Variants in PLXDC1 observed in about 807,000 individuals in gnomAD.
PLXDC1 encodes plexin domain-containing protein 1.
A neutral mutation model predicts 61.3 loss-of-function variants in PLXDC1; 39 were observed. That is an observed-to-expected ratio of 0.64 (90% CI 0.49 to 0.83). The LOEUF (loss-of-function observed/expected upper bound fraction) is 0.83. PLXDC1 is among the 40% of genes least tolerant of loss of function. PLXDC1 has a pLI of 0.00. For synonymous variants in PLXDC1, 212 were observed against 254.5 expected (o/e 0.83, Z 1.59); for missense variants, 596 against 666.5 (o/e 0.89, Z 1.17).
intron 2 of PLXDC1, among the ~76,000 whole-genome samples, chr17:39,115,223 T>C (rs1029960603): frequency 1.3e-5 from 2 of 152,228 alleles, no homozygotes; most frequent in African/African-American, 4.8e-5. Context: ...CTTCCATCTA[T>C]TCTGACTCAA....
intron 2 of PLXDC1, among the ~76,000 whole-genome samples, chr17:39,129,879 C>G (rs1054819414): frequency 6.6e-6 from 1 of 152,152 alleles, no homozygotes; most frequent in East Asian, 1.9e-4. Flanking sequence ...GTAGAAACAG[C>G]CTAAATGTCT....
In PLXDC1 at chr17:39,097,178, T is replaced by C. The variant is rs542869207; in HGVS notation, c.811+8676A>G. On this transcript the variant is annotated intron_variant, in intron 7 of 13. Transcript: ENST00000315392. ...ACAGGGTTCAGTGGCTGGGGATTCC[T>C]AAATAGTGAGGAATCAAACTCCCCT... Among the ~76,000 whole-genome samples the C allele has an allele frequency of 9.2e-5, 14 of 152,280 alleles. No individual in the cohort carries two copies. In the Middle Eastern group the frequency reaches 0.01, roughly 111 times the overall value.
chr17:39,133,436 A>G (rs1597658497), intron 2 of PLXDC1, among the ~76,000 whole-genome samples: 1 of 152,258 alleles, frequency 6.6e-6, no homozygotes, highest in Non-Finnish European at 1.5e-5. Context: ...GACTCACACC[A>G]GGGACAATCA....
intron 8 of PLXDC1, among the ~76,000 whole-genome samples, chr17:39,086,032 A>ACAAAATT (rs1327893083): frequency 1.3e-5 from 2 of 152,170 alleles, no homozygotes; most frequent in Non-Finnish European, 2.9e-5. Flanking sequence ...TTAAATGCTC[A>ACAAAATT]CAAAATTCAC....
At chr17:39,128,113 A>ATATATATATATATATATATG (rs1597655710) in intron 2 of PLXDC1, among the ~76,000 whole-genome samples, 1 of 95,720 alleles carries the variant, frequency 1.0e-5, no homozygotes, top group African/African-American at 4.2e-5. Context: ...ATATATATAT[A>ATATATATATATATATATATG]TGTATATATA....
rs75117355 is a variant in PLXDC1, at chr17:39,067,958, C to T, written c.1385G>A (p.Arg462His). The change falls in exon 14 of 14, where the codon CGT becomes CAT. Residue 462 changes from arginine to histidine, a missense_variant and splice_region_variant. Physicochemically the swap from Arg to His is conservative, Grantham distance 29 (BLOSUM62 0). Transcript: ENST00000315392. ...CATGGCTGGCCAGTGGTGAGGTCTA[C>T]GCTGCAGAAGGCACAGAGGCAAAGT... ...TSNAALFFIE[R>H]RPHHWPAMKF... The T allele has an allele frequency of 0.072, 115,954 of 1,613,446 alleles. 4,624 individuals carry two copies. The highest frequency in any genetic ancestry group is 0.12 in the East Asian group (5,352 of 44,878).
At chr17:39,089,459 G>A (rs1400953032) in intron 7 of PLXDC1, among the ~76,000 whole-genome samples, 1 of 152,206 alleles carries the variant, frequency 6.6e-6, no homozygotes, top group Non-Finnish European at 1.5e-5. Flanking sequence ...GAGAGAAACA[G>A]GAAGTGCTGG....
Position 39,069,930 on chromosome 17 carries a change from C to G in PLXDC1, c.1309G>C (p.Val437Leu). The G allele has an allele frequency of 6.2e-7, 1 of 1,613,378 alleles. No homozygotes were observed. The highest frequency in any genetic ancestry group is 1.7e-5 in the Admixed American group (1 of 60,006). The change falls in exon 13 of 14, where the codon GTG becomes CTG. Residue 437 changes from valine (V) to leucine (L), a missense_variant. Transcript: ENST00000315392. ...ATTCCAGCCAGGATGATGGCCGCCACGAGGAGGACTGCCAGCACGATGCCC... is the reference window on the plus strand; with the variant it reads ...ATTCCAGCCAGGATGATGGCCGCCAGGAGGAGGACTGCCAGCACGATGCCC... ...IVGIVLAVLL[V>L]AAIILAGIYI... is the part of the protein sequence containing the mutation.
intron 7 of PLXDC1, among the ~76,000 whole-genome samples, chr17:39,088,099 T>C (rs1909810342): frequency 6.6e-6 from 1 of 152,116 alleles, no homozygotes; most frequent in African/African-American, 2.4e-5. Flanking sequence ...CTTGGCCAGC[T>C]CCCTCCTCTG....
At chr17:39,102,036 C>T (rs1910438863) in intron 7 of PLXDC1, among the ~76,000 whole-genome samples, 1 of 152,166 alleles carries the variant, frequency 6.6e-6, no homozygotes, top group African/African-American at 2.4e-5. Flanking sequence ...GGAAAGAACT[C>T]CTGGCCTGTT....
intron 7 of PLXDC1, among the ~76,000 whole-genome samples, chr17:39,099,461 A>C (rs1910342766): frequency 6.6e-6 from 1 of 152,116 alleles, no homozygotes; most frequent in Admixed American, 6.5e-5. Flanking sequence ...AGTAATGTAC[A>C]TGGGATGCAG....
chr17:39,151,257 C>T lies in PLXDC1; in HGVS notation c.76+105G>A. The stretch of plus-strand genomic sequence containing the variant: ...CTCCTGGCCTCCTGCGGACAATGCC[C>T]CCCTCGCGGACATCGCCAGGCCGTC... On this transcript the variant is annotated intron_variant, in intron 1 of 13. Coordinates refer to ENST00000315392, the MANE Select transcript of PLXDC1 (RefSeq NM_020405.5). This position sits in a 1 kb window ranked among gnomAD's most constrained non-coding sequence, Gnocchi z 5.2. The T allele has an allele frequency of 1.2e-6, 1 of 844,930 alleles. No individual in the cohort carries two copies. The allele number at this position is 844,930 out of a possible 1,614,324, so 52.3% of individuals were successfully genotyped here.
Position 39,077,897 on chromosome 17 carries a change from T to G in PLXDC1, c.1186+16A>C. On this transcript the variant is annotated intron_variant, in intron 11 of 13. Transcript: ENST00000315392. Reference sequence around the variant, plus strand: ...CCTGGCCTCCTCTCTGCTCCCCTCCTGGGCTCAGAACTTACCTTCTGTGGT... The same window carrying G: ...CCTGGCCTCCTCTCTGCTCCCCTCCGGGGCTCAGAACTTACCTTCTGTGGT... 1 of 1,613,958 alleles carries G rather than the reference T, an allele frequency of 6.2e-7. No homozygotes were observed. Among genetic ancestry groups the G allele is most frequent in the Non-Finnish European group, 8.5e-7 (1 of 1,179,876 alleles).
intron 2 of PLXDC1, among the ~76,000 whole-genome samples, chr17:39,119,612 G>C (rs1329707770): frequency 2.0e-5 from 3 of 152,012 alleles, no homozygotes; most frequent in African/African-American, 7.3e-5. Context: ...CAGGGGTGAT[G>C]GCGTGCTCCC....
chr17:39,119,746 A>G (rs1035466769), intron 2 of PLXDC1, among the ~76,000 whole-genome samples: 1 of 152,130 alleles, frequency 6.6e-6, no homozygotes. Context: ...CCCTGTCTCA[A>G]AAAAAATTTT....
At chr17:39,107,592 C>T (rs776400826) in intron 5 of PLXDC1, 67 bp from the exon 6 acceptor site, 1 of 1,180,976 alleles carries the variant, frequency 8.5e-7, no homozygotes. Context: ...TACAGAAATG[C>T]CAGTCGGAGG....
intron 2 of PLXDC1, chr17:39,132,092 A>T (rs959801130): frequency 6.6e-6 from 1 of 152,476 alleles, no homozygotes; most frequent in Non-Finnish European, 1.5e-5. Flanking sequence ...ATTGGGAGGT[A>T]AGGGGGGTGA....
chr17:39,119,355 T>G (rs1360686451), intron 2 of PLXDC1, among the ~76,000 whole-genome samples: 2 of 152,198 alleles, frequency 1.3e-5, no homozygotes, highest in Non-Finnish European at 2.9e-5. Context: ...TTTGAGATTA[T>G]GAATGTGCAA....
intron 7 of PLXDC1, among the ~76,000 whole-genome samples, chr17:39,105,396 G>A (rs893055553): frequency 1.3e-5 from 2 of 152,164 alleles, no homozygotes; most frequent in Non-Finnish European, 2.9e-5. Flanking sequence ...TGTAGATGAG[G>A]CAACTGAGGC....
Sources: gnomAD v4.1 joint callset for allele counts (sites outside exome capture counted in the v4.1 genomes callset) on GRCh38, gnomAD v4.1.1 for gene constraint, Gnocchi (gnomAD v3.1) non-coding constraint, MANE v1.5 for transcripts, NCBI Gene and HGNC (gene_info 2026-07-23, HGNC 2026-07-21) for gene names.